Variants in SMG7 observed in about 807,000 individuals in gnomAD.
SMG7 encodes the protein nonsense-mediated mRNA decay factor SMG7.
A neutral mutation model predicts 148.2 loss-of-function variants in SMG7; 34 were observed. The ratio of observed to expected loss-of-function variants is 0.23; its 90% CI spans 0.17 to 0.31. The LOEUF (loss-of-function observed/expected upper bound fraction) is 0.31, where lower values mean the gene tolerates loss of function less well. Among genes scored for constraint, SMG7 ranks in the 10% least tolerant of loss-of-function variants. SMG7 has a pLI of 1.00. For missense variants in SMG7, 1,114 were observed against 1,408.4 expected (o/e 0.79, Z 3.35); for synonymous variants, 492 against 515.1 (o/e 0.96, Z 0.61).
At chr1:183,511,871 A>G (rs1422619262) in intron 1 of SMG7, among the ~76,000 whole-genome samples, 2 of 152,196 alleles carry the variant, frequency 1.3e-5, no homozygotes, top group African/African-American at 4.8e-5. Context: ...GAGTTGATAG[A>G]TGTTAGGGGT....
chr1:183,512,382 T>C (rs1662343446), intron 1 of SMG7, among the ~76,000 whole-genome samples: 1 of 152,166 alleles, frequency 6.6e-6, no homozygotes, highest in African/African-American at 2.4e-5. Context: ...CCCTGAGGTA[T>C]GGAACTGTCA....
chr1:183,551,768 A>C (rs973319171), intron 22 of SMG7, 50 bp from the exon 23 acceptor site: 5 of 1,425,666 alleles, frequency 3.5e-6, no homozygotes, highest in Non-Finnish European at 4.8e-6. Context: ...AATCCCTTTC[A>C]GACAACTTGG....
chr1:183,520,167 G>A (rs527873233), intron 4 of SMG7, among the ~76,000 whole-genome samples: 1 of 151,918 alleles, frequency 6.6e-6, no homozygotes, highest in Non-Finnish European at 1.5e-5. Flanking sequence ...TGTTCTACAA[G>A]AGAATAATAG....
chr1:183,485,799 A>G (rs1299971158), intron 1 of SMG7, among the ~76,000 whole-genome samples: 4 of 152,220 alleles, frequency 2.6e-5, no homozygotes, highest in Non-Finnish European at 5.9e-5. Context: ...TGAAATTTAA[A>G]TCTTGGATAA....
At position 183,486,260 on chromosome 1, in the gene SMG7, G is replaced by T. The variant is rs565626130; in HGVS notation, c.29+13611G>T. Among the ~76,000 whole-genome samples, 6 of 152,316 alleles carry T rather than the reference G, an allele frequency of 3.9e-5. No homozygotes were observed. In the South Asian group the frequency reaches 8.3e-4, roughly 21 times the overall value. On this transcript the variant is annotated intron_variant, in intron 1 of 22. Transcript: ENST00000688051. The stretch of plus-strand genomic sequence containing the variant: ...AGATTGCACTTACTGCAAACATTTT[G>T]AATTACGTGAATTTCTCAGAGTAAT...
At chr1:183,538,731 A>G (rs1351152052) in intron 12 of SMG7, among the ~76,000 whole-genome samples, 3 of 152,240 alleles carry the variant, frequency 2.0e-5, no homozygotes, top group African/African-American at 7.2e-5. Flanking sequence ...TTGTATTTCC[A>G]GTGTCTTGTC....
intron 10 of SMG7, 41 bp from the exon 11 acceptor site, chr1:183,537,104 T>A: frequency 7.0e-7 from 1 of 1,425,230 alleles, no homozygotes. Context: ...CTGGTTTCTC[T>A]TACATAAAAA....
At chr1:183,483,303 G>T (rs900310350) in intron 1 of SMG7, among the ~76,000 whole-genome samples, 7 of 152,044 alleles carry the variant, frequency 4.6e-5, no homozygotes, top group African/African-American at 1.7e-4. Context: ...GGATGTGTCT[G>T]TTTTACTAAT....
At chr1:183,547,301 C>T in intron 18 of SMG7, 49 bp downstream of exon 18, 2 of 1,487,412 alleles carry the variant, frequency 1.3e-6, no homozygotes, top group Non-Finnish European at 1.8e-6. Context: ...CCAGCTGCTT[C>T]TCTGAGATAC....
chr1:183,544,812 A>G (rs759093165), intron 15 of SMG7, 118 bp from the exon 16 acceptor site: 1 of 1,033,098 alleles, frequency 9.7e-7, no homozygotes. Flanking sequence ...CAACATGACT[A>G]ATCTCTTTTG....
intron 1 of SMG7, among the ~76,000 whole-genome samples, chr1:183,499,033 A>G (rs144767607): frequency 1.2e-4 from 19 of 152,318 alleles, no homozygotes; most frequent in African/African-American, 3.1e-4. Flanking sequence ...TTAGATTGTA[A>G]CATGCATTTA....
At chr1:183,499,906 A>G (rs1276116589) in intron 1 of SMG7, among the ~76,000 whole-genome samples, 1 of 152,156 alleles carries the variant, frequency 6.6e-6, no homozygotes, top group Non-Finnish European at 1.5e-5. Context: ...GCATCTGATT[A>G]CTTTGTTATG....
chr1:183,546,459 C>T, intron 17 of SMG7, 122 bp downstream of exon 17: 1 of 1,035,794 alleles, frequency 9.7e-7, no homozygotes, highest in Non-Finnish European at 1.4e-6. Flanking sequence ...TAGAATGCCA[C>T]TGAGTATTGG....
At chr1:183,511,979 A>T (rs1319595995) in intron 1 of SMG7, among the ~76,000 whole-genome samples, 1 of 152,182 alleles carries the variant, frequency 6.6e-6, no homozygotes, top group Non-Finnish European at 1.5e-5. Context: ...TACAAAGAGA[A>T]CTAGAGATAG....
At chr1:183,548,316 T>C (rs1670300661) in intron 18 of SMG7, among the ~76,000 whole-genome samples, 1 of 152,182 alleles carries the variant, frequency 6.6e-6, no homozygotes, top group Non-Finnish European at 1.5e-5. Flanking sequence ...TCAGCTGCTA[T>C]ACTGTTGCCT....
intron 1 of SMG7, among the ~76,000 whole-genome samples, chr1:183,480,097 A>C (rs1363348703): frequency 6.6e-6 from 1 of 152,126 alleles, no homozygotes; most frequent in African/African-American, 2.4e-5. Context: ...TCAAAAAGGG[A>C]AAAGGAATTT....
chr1:183,549,988 G>A (rs570417906), intron 20 of SMG7, 65 bp downstream of exon 20: 2 of 1,037,808 alleles, frequency 1.9e-6, no homozygotes, highest in African/African-American at 1.6e-5. Flanking sequence ...TTAAGGGATA[G>A]TGAGATTCTG....
At chr1:183,537,945 A>C (rs373711065) in intron 11 of SMG7, among the ~76,000 whole-genome samples, 5 of 152,158 alleles carry the variant, frequency 3.3e-5, no homozygotes, top group Non-Finnish European at 5.9e-5. Flanking sequence ...TTGCACATAA[A>C]TCACCTGAAT....
In SMG7 at chr1:183,546,292, A is replaced by G; in HGVS notation, c.2697A>G (p.Gly899=). 1 of 1,613,992 alleles carries G rather than the reference A, an allele frequency of 6.2e-7. No individual in the cohort carries two copies. The highest frequency in any genetic ancestry group is 2.2e-5 in the East Asian group (1 of 44,884). Residue 899 remains glycine, a synonymous_variant, in exon 17 of 23, where the codon GGA becomes GGG. Coordinates refer to ENST00000688051, the MANE Select transcript of SMG7 (RefSeq NM_001375584.1). ...ACCGCAGGGGCAAACGGTCACCAGG[A>G]GTCTTCCGTCCAGAGCAGGATCCTG... ...NIDRRGKRSP[G]VFRPEQDPVP...
Sources: allele counts gnomAD v4.1 joint callset (sites outside exome capture counted in the v4.1 genomes callset), GRCh38; gene constraint gnomAD v4.1.1; transcripts MANE v1.5; gene names NCBI Gene and HGNC (gene_info 2026-07-23, HGNC 2026-07-21).